The following PDE11A variants were observed in gnomAD, a reference collection of about 807,000 sequenced individuals.
PDE11A encodes dual 3',5'-cyclic-AMP and -GMP phosphodiesterase 11A.
Under a neutral mutation model 100.5 loss-of-function variants are expected in PDE11A, and 100 were observed. The observed-to-expected ratio is 1.00, with a 90% CI of 0.85 to 1.18. The LOEUF is 1.18. Ranked by LOEUF, PDE11A falls within the 50% of genes most tolerant of loss-of-function variation. The pLI is 0.00. For synonymous variants in PDE11A, 381 were observed against 420.8 expected, an observed-to-expected ratio of 0.91 and a Z score of 1.16; for missense variants, 1,141 against 1,152.6, an observed-to-expected ratio of 0.99 and a Z score of 0.15.
chr2:178,073,356 T>G (rs986443081), upstream of PDE11A, among the ~76,000 whole-genome samples: 1 of 152,174 alleles, frequency 6.6e-6, no homozygotes, highest in Non-Finnish European at 1.5e-5. Flanking sequence ...TGTGAGCAAT[T>G]CATGACTTTA....
chr2:177,998,726 G>C, intron 2 of PDE11A: 1 of 953,876 alleles, frequency 1.0e-6, no homozygotes, highest in Admixed American at 1.7e-5. Context: ...CCGTGGTATC[G>C]GCCATGATGC....
At chr2:177,906,062 C>G (rs2105736626) in intron 2 of PDE11A, among the ~76,000 whole-genome samples, 1 of 152,280 alleles carries the variant, frequency 6.6e-6, no homozygotes, top group Admixed American at 6.5e-5. Context: ...TCCCTAAATT[C>G]TTCGCAATGT....
At chr2:178,036,444 G>A (rs1559049811) in intron 1 of PDE11A, among the ~76,000 whole-genome samples, 1 of 152,144 alleles carries the variant, frequency 6.6e-6, no homozygotes, top group Admixed American at 6.5e-5. Context: ...TGGTCATACT[G>A]CCCAAAGTAA....
intron 1 of PDE11A, among the ~76,000 whole-genome samples, chr2:178,057,927 G>T (rs1215234447): frequency 6.6e-6 from 1 of 151,988 alleles, no homozygotes; most frequent in Non-Finnish European, 1.5e-5. Context: ...GCGTGATCTC[G>T]GCTCACTGCA....
intron 2 of PDE11A, among the ~76,000 whole-genome samples, chr2:177,991,584 G>A (rs1574327655): frequency 1.3e-5 from 2 of 148,286 alleles, no homozygotes; most frequent in South Asian, 2.2e-4. Context: ...GCAGTGTGCC[G>A]AGACCACACC....
At chr2:177,915,438 C>A (rs958455581) in intron 2 of PDE11A, among the ~76,000 whole-genome samples, 1 of 152,194 alleles carries the variant, frequency 6.6e-6, no homozygotes, top group Non-Finnish European at 1.5e-5. Flanking sequence ...ATAGTTGGAA[C>A]CACGCAGTAT....
chr2:177,872,266 C>T (rs928494700), intron 5 of PDE11A, among the ~76,000 whole-genome samples: 1 of 152,160 alleles, frequency 6.6e-6, no homozygotes, highest in Non-Finnish European at 1.5e-5. Context: ...TATAATTCAA[C>T]ATAAAATGCC....
At chr2:177,709,905 C>A (rs1402859006) in intron 13 of PDE11A, among the ~76,000 whole-genome samples, 1 of 152,014 alleles carries the variant, frequency 6.6e-6, no homozygotes, top group Non-Finnish European at 1.5e-5. Context: ...ATGATTGGAA[C>A]CGGAAGCCAT....
At chr2:177,895,192 CAG>C (rs2084590717) in intron 4 of PDE11A, among the ~76,000 whole-genome samples, 1 of 151,564 alleles carries the variant, frequency 6.6e-6, no homozygotes, top group African/African-American at 2.4e-5. Flanking sequence ...GACTTGATGA[CAG>C]AGAAAACTTT....
At chr2:177,889,035 C>A (rs940055252) in intron 4 of PDE11A, among the ~76,000 whole-genome samples, 18 of 152,174 alleles carry the variant, frequency 1.2e-4, no homozygotes, top group African/African-American at 3.9e-4. Flanking sequence ...CCACTCATCA[C>A]CTGCTTGGCT....
intron 1 of PDE11A, among the ~76,000 whole-genome samples, chr2:178,065,947 ATAT>A (rs1247889542): frequency 4.4e-4 from 67 of 151,780 alleles, no homozygotes; most frequent in Middle Eastern, 3.5e-3. Context: ...ATTGTTATTC[ATAT>A]TATTAGAAAA....
intron 10 of PDE11A, among the ~76,000 whole-genome samples, chr2:177,755,789 T>A (rs1467642995): frequency 3.3e-5 from 5 of 152,212 alleles, no homozygotes; most frequent in African/African-American, 1.2e-4. Flanking sequence ...GAGGCCACTT[T>A]TACCCCTTTG....
chr2:177,755,665 G>A (rs2082081419), intron 10 of PDE11A, among the ~76,000 whole-genome samples: 1 of 152,204 alleles, frequency 6.6e-6, no homozygotes, highest in Non-Finnish European at 1.5e-5. Context: ...GGAACCAAGT[G>A]GGCCAAGCGG....
At chr2:177,805,238 G>A (rs1391453737) in intron 9 of PDE11A, among the ~76,000 whole-genome samples, 1 of 151,924 alleles carries the variant, frequency 6.6e-6, no homozygotes, top group African/African-American at 2.4e-5. Context: ...CCCCAGTAGA[G>A]GTTATGTCCC....
chr2:177,671,505 G>A (rs141724741), intron 17 of PDE11A, among the ~76,000 whole-genome samples: 73 of 151,980 alleles, frequency 4.8e-4, no homozygotes, highest in African/African-American at 1.6e-3. Flanking sequence ...CAACATCCAG[G>A]AAGTTAGAGA....
chr2:178,038,558 AT>A (rs1345821850), intron 1 of PDE11A, among the ~76,000 whole-genome samples: 3 of 152,298 alleles, frequency 2.0e-5, no homozygotes, highest in Non-Finnish European at 2.9e-5. Context: ...AGCAAATTCA[AT>A]AGGAAAAAAT....
At chr2:177,968,870 A>T (rs2085732084) in intron 2 of PDE11A, among the ~76,000 whole-genome samples, 1 of 152,238 alleles carries the variant, frequency 6.6e-6, no homozygotes, top group South Asian at 2.1e-4. Flanking sequence ...TGATTCCTCA[A>T]AGATCTAGAA....
At chr2:177,668,197 G>A (rs867109067) in intron 18 of PDE11A, among the ~76,000 whole-genome samples, 5 of 152,190 alleles carry the variant, frequency 3.3e-5, no homozygotes, top group Middle Eastern at 3.4e-3. Flanking sequence ...CTGCGCTACT[G>A]CACCCACCAG....
At chr2:177,937,154 G>A (rs1363937587) in intron 2 of PDE11A, among the ~76,000 whole-genome samples, 1 of 151,948 alleles carries the variant, frequency 6.6e-6, no homozygotes. Flanking sequence ...CAGTTTGGGA[G>A]TGACCTGGCT....
Sources: allele counts gnomAD v4.1 joint callset (sites outside exome capture counted in the v4.1 genomes callset), GRCh38; gene constraint gnomAD v4.1.1; transcripts MANE v1.5; gene names NCBI Gene and HGNC (gene_info 2026-07-23, HGNC 2026-07-21).